KLC1: variants seen among roughly 807,000 people sequenced by gnomAD.
The protein encoded by KLC1 is kinesin 2 60/70kDa.
Under a neutral mutation model 84.2 loss-of-function variants are expected in KLC1, and 30 were observed. That is an observed-to-expected ratio of 0.36 (90% CI 0.27 to 0.48). The LOEUF (loss-of-function observed/expected upper bound fraction) is 0.48. KLC1 is among the 20% of genes least tolerant of loss of function. KLC1 has a pLI of 0.99. For missense variants in KLC1, 499 were observed against 805.4 expected (o/e 0.62, Z 4.60); for synonymous variants, 289 against 293.3 (o/e 0.99, Z 0.15).
chr14:103,655,775 A>T (rs1262597374), intron 2 of KLC1, among the ~76,000 whole-genome samples: 2 of 151,934 alleles, frequency 1.3e-5, no homozygotes, highest in African/African-American at 4.8e-5. Flanking sequence ...TTCCTGGCTA[A>T]TTTTTTGTAT....
At chr14:103,639,519 T>C (rs888439204) in intron 1 of KLC1, among the ~76,000 whole-genome samples, 2 of 152,154 alleles carry the variant, frequency 1.3e-5, no homozygotes, top group Non-Finnish European at 2.9e-5. Context: ...CAAAGCTTAC[T>C]GTAGCCTTGA....
intron 16 of KLC1, among the ~76,000 whole-genome samples, chr14:103,700,984 G>A (rs1044351236): frequency 3.9e-5 from 6 of 152,312 alleles, no homozygotes; most frequent in Admixed American, 1.3e-4. Context: ...GGCTTCCCCC[G>A]TGCCAGACGC....
intron 13 of KLC1, chr14:103,685,896 A>G (rs1247618760): frequency 8.9e-7 from 1 of 1,129,620 alleles, no homozygotes; most frequent in East Asian, 6.9e-5. Context: ...TTACTGTGTA[A>G]TACACGAGTT....
intron 1 of KLC1, among the ~76,000 whole-genome samples, chr14:103,645,437 C>A (rs1365062931): frequency 6.6e-6 from 1 of 152,170 alleles, no homozygotes; most frequent in Non-Finnish European, 1.5e-5. Context: ...CCCTGCCATG[C>A]TTGTAGTGGA....
chr14:103,655,051 A>G (rs566342230), intron 2 of KLC1, among the ~76,000 whole-genome samples: 1 of 152,006 alleles, frequency 6.6e-6, no homozygotes, highest in Admixed American at 6.6e-5. Context: ...ACATAGCGAA[A>G]CCCTGACTCT....
At chr14:103,699,332 G>A in intron 15 of KLC1, 1 of 1,570,318 alleles carries the variant, frequency 6.4e-7, no homozygotes, top group Non-Finnish European at 8.6e-7. Flanking sequence ...AAAAATACGA[G>A]CTCAGGGGTG....
chr14:103,678,350 C>T (rs1226591449), intron 12 of KLC1, among the ~76,000 whole-genome samples: 1 of 152,128 alleles, frequency 6.6e-6, no homozygotes, highest in African/African-American at 2.4e-5. Flanking sequence ...GTTGGATTCA[C>T]CAAAGTTAAA....
chr14:103,687,280 A>G, intron 14 of KLC1, 69 bp downstream of exon 14: 3 of 1,428,628 alleles, frequency 2.1e-6, no homozygotes, highest in Non-Finnish European at 2.8e-6. Context: ...TTCCTAGCGC[A>G]GCCTTCCTCA....
intron 13 of KLC1, chr14:103,685,259 A>G: frequency 7.2e-7 from 1 of 1,384,934 alleles, no homozygotes; most frequent in East Asian, 2.7e-5. Context: ...TGAAAGTCAT[A>G]CCTGTAGCCT....
At chr14:103,649,404 G>A (rs897360963) in intron 1 of KLC1, among the ~76,000 whole-genome samples, 2 of 151,762 alleles carry the variant, frequency 1.3e-5, no homozygotes, top group African/African-American at 4.8e-5. Context: ...ATTATGTTAG[G>A]TAGTGACTTA....
intron 1 of KLC1, among the ~76,000 whole-genome samples, chr14:103,631,081 C>A (rs1280022776): frequency 6.6e-6 from 1 of 151,122 alleles, no homozygotes; most frequent in Non-Finnish European, 1.5e-5. Context: ...TTTAAACTTA[C>A]ACATTTTTTT....
intron 10 of KLC1, 34 bp downstream of exon 10, chr14:103,675,635 G>T (rs1278064340): frequency 6.2e-7 from 1 of 1,601,584 alleles, no homozygotes; most frequent in Non-Finnish European, 8.6e-7. Context: ...TTTCTAAATT[G>T]TATATACTGC....
chr14:103,685,962 C>T (rs1476046864), intron 13 of KLC1: 2 of 1,121,630 alleles, frequency 1.8e-6, no homozygotes, highest in Non-Finnish European at 2.2e-6. Context: ...AAGTGTCACA[C>T]AAGGTGTTGT....
At chr14:103,670,795 A>G (rs983272707) in intron 7 of KLC1, among the ~76,000 whole-genome samples, 2 of 151,308 alleles carry the variant, frequency 1.3e-5, no homozygotes, top group Non-Finnish European at 2.9e-5. Context: ...TTAAGACTCA[A>G]TTACAGGCTG....
At position 103,630,120 on chromosome 14, in the gene KLC1, C is replaced by G. The variant is rs577870052; in HGVS notation, c.-2+626C>G. 1.9e-4 allele frequency among the ~76,000 whole-genome samples: 29 copies of G among 152,356 alleles called. No homozygotes were observed. In the South Asian group the frequency reaches 5.6e-3, roughly 29 times the overall value. ...ACCCCTTATTTTCAGTAACCAGATG[C>G]GAAACGTTTCAGGCGACCCTGTTCA... On this transcript the variant is annotated intron_variant, in intron 1 of 16. Coordinates refer to ENST00000334553, the MANE Select transcript of KLC1 (RefSeq NM_001394837.1).
intron 1 of KLC1, among the ~76,000 whole-genome samples, chr14:103,654,030 C>T (rs1207043023): frequency 6.6e-6 from 1 of 152,242 alleles, no homozygotes; most frequent in African/African-American, 2.4e-5. Context: ...ATCTGTGAGC[C>T]TGCCCGGTGA....
At position 103,649,213 on chromosome 14, in the gene KLC1, C is replaced by CT. The variant is rs202073908; in HGVS notation, c.-1-5349dup. 5.9e-5 allele frequency among the ~76,000 whole-genome samples: 9 copies of CT among 152,160 alleles called. No individual in the cohort carries two copies. In the East Asian group the frequency reaches 1.7e-3, roughly 29 times the overall value. On this transcript the variant is annotated intron_variant, in intron 1 of 16. Transcript: ENST00000334553. ...TTGGGAGACTGAAGGTGGGGAATTG[C>CT]TTGAGTCTAGGAGTGCAAGTCCAGC... is the stretch of plus-strand genomic sequence containing the variant.
intron 13 of KLC1, 141 bp downstream of exon 13, chr14:103,679,686 T>C: frequency 1.6e-6 from 1 of 619,330 alleles, no homozygotes; most frequent in South Asian, 2.1e-5. Flanking sequence ...GTTCTTCACT[T>C]CTGCTAATAC....
chr14:103,699,086 C>T (rs1336166532), intron 15 of KLC1: 1 of 1,564,930 alleles, frequency 6.4e-7, no homozygotes, highest in Non-Finnish European at 8.7e-7. Context: ...CCCAGCTGTG[C>T]CCCTGGCACC....
Sources: allele counts gnomAD v4.1 joint callset (sites outside exome capture counted in the v4.1 genomes callset), GRCh38; gene constraint gnomAD v4.1.1; transcripts MANE v1.5; gene names NCBI Gene and HGNC (gene_info 2026-07-23, HGNC 2026-07-21).